The following WDR90 variants were observed in gnomAD, a reference collection of about 807,000 sequenced individuals.
WDR90 encodes WD repeat-containing protein 90.
In WDR90, 238 loss-of-function variants were observed where a neutral mutation model predicts 195.2. The ratio of observed to expected loss-of-function variants is 1.22; its 90% CI spans 1.10 to 1.36. The LOEUF (loss-of-function observed/expected upper bound fraction) is 1.36, where lower values mean the gene tolerates loss of function less well. WDR90 is among the 40% of genes most tolerant of loss of function. WDR90 has a pLI of 0.00. For synonymous variants in WDR90, 1,265 were observed against 1,052.4 expected, an observed-to-expected ratio of 1.20 and a Z score of -3.91; for missense variants, 2,734 against 2,439.5, an observed-to-expected ratio of 1.12 and a Z score of -2.54.
Position 656,817 on chromosome 16 carries a change from G to T in WDR90, c.2288G>T (p.Ser763Ile). The change falls in exon 19 of 41, where the codon AGT (serine) becomes ATT (isoleucine). Residue 763 changes from serine to isoleucine, a missense_variant. Physicochemically the swap from Ser to Ile is moderately radical, Grantham distance 142. Coordinates refer to ENST00000293879, the MANE Select transcript of WDR90 (RefSeq NM_145294.5). ...CCAACCTTTTTCTGTGGCTTTAGCA[G>T]TGGGGCCGTGCGCTCCTTCAGCCTG... ...TRPTFFCGFS[S>I]GAVRSFSLEA... 6.2e-7 allele frequency: 1 copy of T among 1,613,096 alleles called. No homozygotes were observed. Among genetic ancestry groups the T allele is most frequent in the Non-Finnish European group, 8.5e-7 (1 of 1,179,976 alleles).
chr16:660,553 C>T (rs1262852817), intron 27 of WDR90, 59 bp from the exon 28 acceptor site: 1 of 1,513,864 alleles, frequency 6.6e-7, no homozygotes, highest in Non-Finnish European at 9.0e-7. Flanking sequence ...CATGTGCAGG[C>T]TTTGGGGCAC....
chr16:656,198 G>C, intron 17 of WDR90, 104 bp from the exon 18 acceptor site: 1 of 1,102,552 alleles, frequency 9.1e-7, no homozygotes, highest in South Asian at 1.5e-5. Flanking sequence ...CTGGGACTTT[G>C]AGCAGCAGGG....
Position 651,985 on chromosome 16 carries a change from C to G in WDR90, c.999C>G (p.His333Gln), listed in dbSNP as rs887521256. 3.7e-6 allele frequency: 6 copies of G among 1,606,608 alleles called. No individual in the cohort carries two copies. In the South Asian group the frequency reaches 4.4e-5, roughly 12 times the overall value. ...SDIHTAAAGT[H>Q]VLTHESAEVP... ...TCCACACGGCTGCTGCCGGCACCCA[C>G]GTGTTGACTCACGAGTCGGCTGAGG... Residue 333 changes from histidine to glutamine, a missense_variant, in exon 9 of 41, where the codon CAC becomes CAG. Physicochemically the swap from His to Gln is conservative, Grantham distance 24 (BLOSUM62 0). Transcript: ENST00000293879.
chr16:656,117 C>T, intron 17 of WDR90, 185 bp from the exon 18 acceptor site: 2 of 764,248 alleles, frequency 2.6e-6, no homozygotes, highest in South Asian at 3.6e-5. Context: ...GTGTGAAGCC[C>T]CTCAGCCTGG....
chr16:663,888 G>A (rs1182081705), intron 34 of WDR90, among the ~76,000 whole-genome samples: 1 of 152,214 alleles, frequency 6.6e-6, no homozygotes, highest in African/African-American at 2.4e-5. Context: ...TAGCAGCTGT[G>A]GCCATGGGCT....
rs1354216482 is a variant in WDR90 at position 665,896 on chromosome 16, G to T, written c.4435-54G>T. On this transcript the variant is annotated intron_variant, in intron 35 of 40. Transcript: ENST00000293879. ...GCCGCCTCCTCCCTCTGGCCTGGGT[G>T]TGTGTCCTCAGGGCCCCTGTGAGTG... 3 of 1,559,372 alleles carry T rather than the reference G, an allele frequency of 1.9e-6. No individual in the cohort carries two copies. In the East Asian group the frequency reaches 6.8e-5, roughly 35 times the overall value.
At chr16:652,785 T>TGGCTG (rs1219158022) in intron 10 of WDR90, among the ~76,000 whole-genome samples, 12 of 152,320 alleles carry the variant, frequency 7.9e-5, no homozygotes, top group African/African-American at 1.9e-4. Flanking sequence ...TCTTACTCAC[T>TGGCTG]GGCTGGGCTA....
intron 27 of WDR90, 69 bp from the exon 28 acceptor site, chr16:660,543 C>T: frequency 6.8e-7 from 1 of 1,465,596 alleles, no homozygotes; most frequent in Non-Finnish European, 9.3e-7. Flanking sequence ...CACAGCCTCC[C>T]ATGTGCAGGC....
At position 651,528 on chromosome 16, in the gene WDR90, G is replaced by A. The variant is rs372912853; in HGVS notation, c.737-116G>A. 3.7e-5 allele frequency: 40 copies of A among 1,087,514 alleles called. No homozygotes were observed. The East Asian group carries it at 5.2e-4, about 14-fold the overall frequency. 67.4% of individuals were successfully genotyped at this position (1,087,514 alleles called of 1,614,324 possible). On this transcript the variant is annotated intron_variant, in intron 7 of 40. Coordinates refer to ENST00000293879, the MANE Select transcript of WDR90 (RefSeq NM_145294.5). ...GGTGGAAGTGGGGATACTGGCTGTGGGTCCTGCAGAGCCGGTGAGGCTGGG... is the reference window on the plus strand; with the variant it reads ...GGTGGAAGTGGGGATACTGGCTGTGAGTCCTGCAGAGCCGGTGAGGCTGGG...
chr16:655,953 G>T lies in WDR90; in HGVS notation c.1966+64G>T, dbSNP rs773646038. On this transcript the variant is annotated intron_variant, in intron 17 of 40. Coordinates refer to ENST00000293879, the MANE Select transcript of WDR90 (RefSeq NM_145294.5). ...CTCGCCTGGATGCTGGGGCGGGGAA[G>T]GCCCAGTCCCCGGGGCTCTGCTGTC... The T allele has an allele frequency of 1.5e-5, 23 of 1,511,848 alleles. No homozygotes were observed. In the South Asian group the frequency reaches 2.6e-4, roughly 17 times the overall value. 93.7% of individuals were successfully genotyped at this position (1,511,848 alleles called of 1,614,324 possible).
At chr16:652,604 G>C in intron 10 of WDR90, 69 bp downstream of exon 10, 2 of 1,473,408 alleles carry the variant, frequency 1.4e-6, no homozygotes, top group Non-Finnish European at 1.8e-6. Flanking sequence ...ACAGAACGGG[G>C]AGAGAGGAGA....
rs936736755 is a variant in WDR90, at chr16:658,000, C to T, written c.2604+108C>T. On this transcript the variant is annotated intron_variant, in intron 21 of 40. Coordinates refer to ENST00000293879, the MANE Select transcript of WDR90 (RefSeq NM_145294.5). ...CGGGAGCAGGACCCAGGCCCTGTCC[C>T]GCCTCCTGTCGCAGAGTACACATCA... The T allele has an allele frequency of 1.9e-4, 283 of 1,455,336 alleles. 1 individual carries two copies. Among genetic ancestry groups the T allele is most frequent in the Middle Eastern group, 6.2e-4 (3 of 4,872 alleles). The allele number at this position is 1,455,336 out of a possible 1,614,324, so 90.2% of individuals were successfully genotyped here. A position where few individuals can be genotyped will look rare whatever the true frequency, so the allele number is the denominator to read the frequency against.
Position 666,812 on chromosome 16 carries a change from T to C in WDR90, c.5004+20T>C, listed in dbSNP as rs2038078860. The stretch of plus-strand genomic sequence containing the variant: ...AAGCAGGTACACGCAGCTGCCCGCG[T>C]GTCACTGGGAGCCCCAGGGATCCAG... On this transcript the variant is annotated intron_variant, in intron 39 of 40. Coordinates refer to ENST00000293879, the MANE Select transcript of WDR90 (RefSeq NM_145294.5). 3 of 1,612,662 alleles carry C rather than the reference T, an allele frequency of 1.9e-6. No individual in the cohort carries two copies. The highest frequency in any genetic ancestry group is 1.6e-4 in the Middle Eastern group (1 of 6,062).
At position 661,484 on chromosome 16, in the gene WDR90, G is replaced by A. The variant is rs766430690; in HGVS notation, c.3656G>A (p.Arg1219Lys). 6.2e-7 allele frequency: 1 copy of A among 1,607,516 alleles called. No individual in the cohort carries two copies. The highest frequency in any genetic ancestry group is 1.7e-5 in the Admixed American group (1 of 59,792). Residue 1219 changes from arginine (R) to lysine (K), a missense_variant, in exon 30 of 41, where the codon AGG becomes AAG. Arg to Lys is a conservative substitution (Grantham distance 26, BLOSUM62 2). Coordinates refer to ENST00000293879, the MANE Select transcript of WDR90 (RefSeq NM_145294.5). ...GCCCTGGCCTTCTCACCAGATGACA[G>A]GCTTCTTGTCACACTGGGTCAGTGG... ...VLALAFSPDD[R>K]LLVTLGDHDG...
At chr16:656,707 C>T in intron 18 of WDR90, 25 bp from the exon 19 acceptor site, 1 of 1,601,874 alleles carries the variant, frequency 6.2e-7, no homozygotes, top group Middle Eastern at 1.7e-4. Flanking sequence ...CCTGCCCTCC[C>T]CTCAGCACGG....
chr16:653,722 T>C (rs1161204352), intron 12 of WDR90, 24 bp from the exon 13 acceptor site: 2 of 1,613,228 alleles, frequency 1.2e-6, no homozygotes, highest in Non-Finnish European at 1.7e-6. Context: ...CAGGCGACAA[T>C]GACCACCTCC....
Position 666,934 on chromosome 16 carries a change from T to TGCCATGTCCC in WDR90, c.5035_5044dup (p.Leu1682ArgfsTer19). ...TGGAGAAGATACCACTGCCCTTTTTTGCCATGTCCCTGAGCCTGTCCCCCG... is the reference window on the plus strand; with the variant it reads ...TGGAGAAGATACCACTGCCCTTTTTTGCCATGTCCCGCCATGTCCCTGAGCCTGTCCCCCG... On this transcript the variant is annotated frameshift_variant, in exon 40 of 41. Transcript: ENST00000293879. LOFTEE classifies it high-confidence loss of function. 1 of 1,613,042 alleles carries TGCCATGTCCC rather than the reference T, an allele frequency of 6.2e-7. No individual in the cohort carries two copies. The highest frequency in any genetic ancestry group is 8.5e-7 in the Non-Finnish European group (1 of 1,179,712).
intron 19 of WDR90, 54 bp downstream of exon 19, chr16:656,925 G>A: frequency 1.3e-6 from 2 of 1,584,902 alleles, no homozygotes; most frequent in South Asian, 2.3e-5. Flanking sequence ...GGAAGCTGGG[G>A]TGGCCAGGTG....
rs1396192316 is a variant in WDR90, at chr16:667,532, G to C, written c.5190G>C (p.Arg1730Ser). ...VHLCRFTPSA[R>S]LLFTAARNEI... ...TGTGCAGGTTTACACCGTCCGCCAG[G>C]CTGCTCTTCACGGCCGCCCGCAACG... Residue 1730 changes from arginine (R) to serine (S), a missense_variant, in exon 41 of 41, where the codon AGG becomes AGC. Arg to Ser is a moderately radical substitution (Grantham distance 110). Coordinates refer to ENST00000293879, the MANE Select transcript of WDR90 (RefSeq NM_145294.5). 1 of 1,612,198 alleles carries C rather than the reference G, an allele frequency of 6.2e-7. No homozygotes were observed. Among genetic ancestry groups the C allele is most frequent in the South Asian group, 1.1e-5 (1 of 91,086 alleles).
Sources: gnomAD v4.1 joint callset for allele counts (sites outside exome capture counted in the v4.1 genomes callset) on GRCh38, gnomAD v4.1.1 for gene constraint, MANE v1.5 for transcripts, NCBI Gene and HGNC (gene_info 2026-07-23, HGNC 2026-07-21) for gene names.